The following PTK2B variants were observed in gnomAD, a reference collection of about 807,000 sequenced individuals.
PTK2B encodes the protein protein tyrosine kinase 2 beta.
Under a neutral mutation model 142.9 loss-of-function variants are expected in PTK2B, and 71 were observed. The ratio of observed to expected loss-of-function variants is 0.50; its 90% CI spans 0.41 to 0.61. The LOEUF is 0.61. Ranked by LOEUF, PTK2B falls within the 20% of genes least tolerant of loss-of-function variation. The probability of loss-of-function intolerance (pLI) is 0.00; values close to 1 mark genes in which losing one functional copy is unlikely to be tolerated. For missense variants in PTK2B, 1,105 were observed against 1,320.4 expected (o/e 0.84, Z 2.53); for synonymous variants, 519 against 503.4 (o/e 1.03, Z -0.42).
upstream of PTK2B, chr8:27,311,229 G>A (rs753008590): frequency 2.3e-5 from 36 of 1,541,452 alleles, no homozygotes; most frequent in African/African-American, 3.4e-4. Flanking sequence ...TCGGGACTCC[G>A]CTCCATGGCA....
intron 29 of PTK2B, 54 bp downstream of exon 29, chr8:27,454,345 G>A: frequency 6.3e-7 from 1 of 1,592,626 alleles, no homozygotes; most frequent in South Asian, 1.1e-5. Flanking sequence ...CGCCCTGGAA[G>A]GAAAGGGGAC....
upstream of PTK2B, among the ~76,000 whole-genome samples, chr8:27,321,266 G>T (rs1404686074): frequency 1.3e-5 from 2 of 151,946 alleles, no homozygotes; most frequent in African/African-American, 4.8e-5. Context: ...AAAGTGTTTG[G>T]ATTATAGGCA....
At chr8:27,430,736 T>A (rs1810359497) in intron 7 of PTK2B, 140 bp from the exon 8 acceptor site, 1 of 1,266,090 alleles carries the variant, frequency 7.9e-7, no homozygotes, top group Non-Finnish European at 1.1e-6. Context: ...GGGTTTTAGG[T>A]CATAGATCAC....
intron 9 of PTK2B, among the ~76,000 whole-genome samples, chr8:27,431,759 G>A (rs1810439682): frequency 6.6e-6 from 1 of 152,228 alleles, no homozygotes; most frequent in Non-Finnish European, 1.5e-5. Context: ...TGCTCTTTCA[G>A]TGACAATATA....
intron 1 of PTK2B, among the ~76,000 whole-genome samples, chr8:27,339,251 A>G (rs1461805538): frequency 6.6e-6 from 1 of 152,194 alleles, no homozygotes; most frequent in East Asian, 1.9e-4. Context: ...CATGATAACA[A>G]GGATTTTCTT....
intron 1 of PTK2B, among the ~76,000 whole-genome samples, chr8:27,347,581 G>A (rs544576580): frequency 7.7e-4 from 117 of 152,226 alleles, no homozygotes; most frequent in Non-Finnish European, 1.5e-3. Context: ...TCCTCACATG[G>A]TCATCCCTCT....
At chr8:27,423,913 G>T (rs1428891395) in intron 5 of PTK2B, among the ~76,000 whole-genome samples, 1 of 152,108 alleles carries the variant, frequency 6.6e-6, no homozygotes, top group African/African-American at 2.4e-5. Flanking sequence ...TACAGAGGAG[G>T]CCTGTGGTCC....
chr8:27,437,540 G>A (rs904032164), intron 17 of PTK2B, 44 bp downstream of exon 17: 1 of 1,474,754 alleles, frequency 6.8e-7, no homozygotes, highest in African/African-American at 1.4e-5. Context: ...TGCAGCATGG[G>A]GGGCATTCAG....
chr8:27,357,615 T>C (rs1240463981), intron 1 of PTK2B, among the ~76,000 whole-genome samples: 3 of 152,222 alleles, frequency 2.0e-5, no homozygotes. Context: ...CTCTCCTTTG[T>C]CAACTCTGAA....
intron 24 of PTK2B, among the ~76,000 whole-genome samples, chr8:27,448,254 G>A (rs1811595914): frequency 6.6e-6 from 1 of 152,258 alleles, no homozygotes; most frequent in South Asian, 2.1e-4. Context: ...ACTTGTGGAT[G>A]TGGAAATAAA....
intron 1 of PTK2B, among the ~76,000 whole-genome samples, chr8:27,370,768 C>T (rs1046836615): frequency 4.6e-5 from 7 of 152,192 alleles, no homozygotes; most frequent in African/African-American, 1.7e-4. Context: ...GTGCATCAGA[C>T]CTTTTTCCCC....
intron 30 of PTK2B, among the ~76,000 whole-genome samples, chr8:27,458,075 A>G (rs559818449): frequency 1.3e-5 from 2 of 151,732 alleles, no homozygotes; most frequent in South Asian, 4.2e-4. Flanking sequence ...GGGCTTACAC[A>G]GGGTTGGCTG....
At chr8:27,358,110 A>G (rs1805489622) in intron 1 of PTK2B, among the ~76,000 whole-genome samples, 1 of 152,058 alleles carries the variant, frequency 6.6e-6, no homozygotes, top group African/African-American at 2.4e-5. Context: ...CCTTTTTCTC[A>G]TTAGTTCTCT....
chr8:27,369,621 G>A (rs1197095831), intron 1 of PTK2B, among the ~76,000 whole-genome samples: 1 of 152,276 alleles, frequency 6.6e-6, no homozygotes. Context: ...AGTGAGCCGA[G>A]ATCGTGCCAC....
At chr8:27,354,501 T>C (rs1340357363) in intron 1 of PTK2B, among the ~76,000 whole-genome samples, 1 of 152,070 alleles carries the variant, frequency 6.6e-6, no homozygotes, top group Non-Finnish European at 1.5e-5. Flanking sequence ...GATGAAACAA[T>C]TGAGGTCACC....
chr8:27,376,930 C>T (rs114744334), intron 1 of PTK2B, among the ~76,000 whole-genome samples: 3,002 of 152,246 alleles, frequency 0.02, 101 homozygotes, highest in African/African-American at 0.068. Context: ...ACTTTATGGA[C>T]TCACCCTCAA....
chr8:27,338,539 G>C (rs1348448888), intron 1 of PTK2B, among the ~76,000 whole-genome samples: 6 of 151,864 alleles, frequency 4.0e-5, no homozygotes, highest in Non-Finnish European at 8.8e-5. Flanking sequence ...AAAAACCTAT[G>C]GAAAGAAAGA....
chr8:27,423,749 C>T (rs772333110), intron 5 of PTK2B, among the ~76,000 whole-genome samples: 6 of 152,112 alleles, frequency 3.9e-5, no homozygotes, highest in Non-Finnish European at 4.4e-5. Flanking sequence ...GGGAGTCCTC[C>T]GGTGGGGCCA....
rs374303022 is a variant in PTK2B, at chr8:27,434,073, C to T, written c.1106-20C>T. ...CCTGTGTCCCCAGCTCCAACCTCCT[C>T]CTTCCTCCTCTCTTCCTAGATGGTG... On this transcript the variant is annotated intron_variant, in intron 11 of 30. Coordinates refer to ENST00000346049, the MANE Select transcript of PTK2B (RefSeq NM_173176.3). 4 of 1,613,788 alleles carry T rather than the reference C, an allele frequency of 2.5e-6. No homozygotes were observed. The highest frequency in any genetic ancestry group is 2.7e-5 in the African/African-American group (2 of 74,900).
Sources: allele counts gnomAD v4.1 joint callset (sites outside exome capture counted in the v4.1 genomes callset), GRCh38; gene constraint gnomAD v4.1.1; transcripts MANE v1.5; gene names NCBI Gene and HGNC (gene_info 2026-07-23, HGNC 2026-07-21).